ZNF474: variants seen among roughly 807,000 people sequenced by gnomAD.
ZNF474 encodes zinc finger protein 474.
For synonymous variants in ZNF474, 192 were observed against 162.2 expected (o/e 1.18, Z -1.39); for missense variants, 511 against 433.8 (o/e 1.18, Z -1.58).
intron 1 of ZNF474, among the ~76,000 whole-genome samples, chr5:122,146,222 T>C (rs1755985801): frequency 3.3e-5 from 5 of 152,190 alleles, no homozygotes; most frequent in Admixed American, 3.3e-4. Flanking sequence ...GCATAGTCCC[T>C]GTACCCATAT....
chr5:122,143,172 G>A (rs139500300), intron 1 of ZNF474, among the ~76,000 whole-genome samples: 1 of 152,246 alleles, frequency 6.6e-6, no homozygotes, highest in African/African-American at 2.4e-5. Context: ...TATCAGAAAG[G>A]TTCCTCCCGG....
At chr5:122,145,893 T>C (rs546389864) in intron 1 of ZNF474, among the ~76,000 whole-genome samples, 1 of 152,312 alleles carries the variant, frequency 6.6e-6, no homozygotes, top group South Asian at 2.1e-4. Context: ...TTTAGAAACT[T>C]AGAAGAGGCA....
rs1014284589 is a variant in ZNF474, at chr5:122,151,816, A to G, written c.-175A>G. On this transcript the variant is annotated 5_prime_UTR_variant, in exon 2 of 2. Transcript: ENST00000296600. ...TCTCAGCTTTAATGAGGACTTTCCA[A>G]CATTCCAGACTGCCGTCCTGCAATG... The G allele has an allele frequency of 2.8e-6, 2 of 722,304 alleles. No homozygotes were observed. The highest frequency in any genetic ancestry group is 3.0e-5 in the Admixed American group (1 of 33,386). The allele number at this position is 722,304 out of a possible 1,614,324, so 44.7% of individuals were successfully genotyped here.
chr5:122,130,489 C>A (rs1309360334), intron 1 of ZNF474, among the ~76,000 whole-genome samples: 2 of 152,068 alleles, frequency 1.3e-5, no homozygotes, highest in African/African-American at 4.8e-5. Context: ...TTTTTTCAAG[C>A]ATTTCAATGT....
intron 1 of ZNF474, among the ~76,000 whole-genome samples, chr5:122,149,467 G>GTTAC (rs1285500254): frequency 6.6e-6 from 1 of 152,080 alleles, no homozygotes; most frequent in Non-Finnish European, 1.5e-5. Context: ...TGAGAGCTTA[G>GTTAC]TTACCTTCCC....
chr5:122,143,394 C>A (rs971296312), intron 1 of ZNF474, among the ~76,000 whole-genome samples: 4 of 152,128 alleles, frequency 2.6e-5, no homozygotes, highest in Non-Finnish European at 4.4e-5. Context: ...GAACTCTGTG[C>A]AAGCATATCA....
intron 1 of ZNF474, among the ~76,000 whole-genome samples, chr5:122,133,019 A>C (rs545865293): frequency 2.0e-5 from 3 of 152,338 alleles, no homozygotes; most frequent in African/African-American, 7.2e-5. Context: ...ATGTTGCCCA[A>C]ATGTTTCCCC....
At position 122,148,351 on chromosome 5, in the gene ZNF474, G is replaced by A. The variant is rs551385972; in HGVS notation, c.-212-3428G>A. ...TCAGGAGAACATTGGAGAAGGAAAG[G>A]GATGGTAGAAAAAGAAAAGTTGAAG... On this transcript the variant is annotated intron_variant, in intron 1 of 1. Coordinates refer to ENST00000296600, the MANE Select transcript of ZNF474 (RefSeq NM_207317.3). Among the ~76,000 whole-genome samples the A allele has an allele frequency of 2.3e-4, 35 of 152,328 alleles. No homozygotes were observed. In the South Asian group the frequency reaches 7.2e-3, roughly 32 times the overall value.
At chr5:122,130,349 T>G (rs1273010705) in intron 1 of ZNF474, among the ~76,000 whole-genome samples, 1 of 152,118 alleles carries the variant, frequency 6.6e-6, no homozygotes, top group African/African-American at 2.4e-5. Flanking sequence ...CAGCCAATCT[T>G]CCCTCCACAG....
At chr5:122,141,000 G>A (rs1404866993) in intron 1 of ZNF474, among the ~76,000 whole-genome samples, 1 of 152,096 alleles carries the variant, frequency 6.6e-6, no homozygotes, top group South Asian at 2.1e-4. Flanking sequence ...CAAGTGTCAT[G>A]GCACAGCAGG....
intron 1 of ZNF474, among the ~76,000 whole-genome samples, chr5:122,144,363 A>G (rs1422633305): frequency 6.6e-6 from 1 of 152,148 alleles, no homozygotes; most frequent in East Asian, 1.9e-4. Context: ...AAATTAGTGA[A>G]TCCGGCTAGT....
intron 1 of ZNF474, among the ~76,000 whole-genome samples, chr5:122,139,228 G>A (rs989606380): frequency 3.3e-5 from 5 of 152,106 alleles, no homozygotes; most frequent in Non-Finnish European, 7.4e-5. Context: ...TTAATTATTT[G>A]AACTATTGGG....
rs779814811 is a variant in ZNF474 at position 122,152,973 on chromosome 5, A to G, written c.983A>G (p.Glu328Gly). 1 of 1,614,054 alleles carries G rather than the reference A, an allele frequency of 6.2e-7. No individual in the cohort carries two copies. The highest frequency in any genetic ancestry group is 8.5e-7 in the Non-Finnish European group (1 of 1,180,040). The part of the protein sequence containing the change: ...LNLGSKGGLK[E>G]YTNSKQQRNR... ...TTAGGGAGTAAAGGAGGCCTAAAAG[A>G]GTACACTAATTCCAAGCAGCAAAGG... The change falls in exon 2 of 2, where the codon GAG becomes GGG. Residue 328 changes from glutamate (E) to glycine (G), a missense_variant. Coordinates refer to ENST00000296600, the MANE Select transcript of ZNF474 (RefSeq NM_207317.3).
intron 1 of ZNF474, among the ~76,000 whole-genome samples, chr5:122,133,551 T>C (rs1755629722): frequency 6.6e-6 from 1 of 152,200 alleles, no homozygotes; most frequent in South Asian, 2.1e-4. Flanking sequence ...ATTTTCCAGA[T>C]TATTTTATTC....
At chr5:122,138,518 G>A (rs748121745) in intron 1 of ZNF474, among the ~76,000 whole-genome samples, 5 of 152,202 alleles carry the variant, frequency 3.3e-5, no homozygotes, top group Admixed American at 6.5e-5. Flanking sequence ...GAAGAGTAGT[G>A]AGGACTGGAA....
chr5:122,150,608 T>G (rs2152606887), intron 1 of ZNF474, among the ~76,000 whole-genome samples: 1 of 152,288 alleles, frequency 6.6e-6, no homozygotes, highest in South Asian at 2.1e-4. Context: ...ATCACCCTGA[T>G]AAATGAAACG....
At chr5:122,143,622 G>A (rs756360660) in intron 1 of ZNF474, among the ~76,000 whole-genome samples, 7 of 152,066 alleles carry the variant, frequency 4.6e-5, no homozygotes, top group Non-Finnish European at 8.8e-5. Context: ...GGTATTTCTT[G>A]ACAAAATGGA....
intron 1 of ZNF474, among the ~76,000 whole-genome samples, chr5:122,129,910 A>T (rs116742477): frequency 0.012 from 1,817 of 152,330 alleles, 44 homozygotes; most frequent in African/African-American, 0.041. Flanking sequence ...CTCAAGTATT[A>T]CTAAACAAAA....
intron 1 of ZNF474, among the ~76,000 whole-genome samples, chr5:122,143,257 A>T (rs1162685364): frequency 6.6e-6 from 1 of 152,090 alleles, no homozygotes; most frequent in Non-Finnish European, 1.5e-5. Context: ...TTTATTCTTC[A>T]TTGTGTTTGT....
Sources: gnomAD v4.1 joint callset for allele counts (sites outside exome capture counted in the v4.1 genomes callset) on GRCh38, gnomAD v4.1.1 for gene constraint, MANE v1.5 for transcripts, NCBI Gene and HGNC (gene_info 2026-07-23, HGNC 2026-07-21) for gene names.